The following IL10RA variants were observed in gnomAD, a reference collection of about 807,000 sequenced individuals.
The protein encoded by IL10RA is interleukin 10 receptor subunit alpha.
Under a neutral mutation model 29.6 loss-of-function variants are expected in IL10RA, and 18 were observed. That is an observed-to-expected ratio of 0.61 (90% confidence interval 0.42 to 0.90). The LOEUF (loss-of-function observed/expected upper bound fraction) is 0.90, where lower values mean the gene tolerates loss of function less well. Among genes scored for constraint, IL10RA ranks in the 40% least tolerant of loss-of-function variants. The pLI is 0.00. For synonymous variants in IL10RA, 292 were observed against 294.1 expected (o/e 0.99, Z 0.07); for missense variants, 634 against 716.6 (o/e 0.88, Z 1.32).
At position 117,998,928 on chromosome 11, in the gene IL10RA, C is replaced by T. The variant is rs1175310331; in HGVS notation, c.1024C>T (p.Pro342Ser). The change falls in exon 7 of 7, where the codon CCC becomes TCC. Residue 342 changes from proline to serine, a missense_variant. Pro to Ser is a moderately conservative substitution (Grantham distance 74). Transcript: ENST00000227752. ...CCAGTTCCTCCTCCCTGACCCTCAC[C>T]CCCAGGCTGACAGAACGCTGGGAAA... Reference protein sequence around the residue: ...EPQFLLPDPHPQADRTLGNRE... With the variant: ...EPQFLLPDPHSQADRTLGNRE... 6.2e-7 allele frequency: 1 copy of T among 1,613,604 alleles called. No homozygotes were observed. The highest frequency in any genetic ancestry group is 1.3e-5 in the African/African-American group (1 of 74,920).
rs754153968 is a variant in IL10RA, at chr11:117,989,647, A to G, written c.367+27A>G. On this transcript the variant is annotated intron_variant, in intron 3 of 6. Coordinates refer to ENST00000227752, the MANE Select transcript of IL10RA (RefSeq NM_001558.4). The surrounding 1 kb of genome is among the most constrained non-coding windows in gnomAD (Gnocchi z 4.5). ...TGCTTTTCCTCCCTTGACTTAGAAC[A>G]TGGCTCTGAAGTCCCTTCCAGCCAG... 1.9e-6 allele frequency: 3 copies of G among 1,608,944 alleles called. No individual in the cohort carries two copies.
In IL10RA at chr11:117,988,368, A is replaced by C. The variant is rs1257184028; in HGVS notation, c.68-14A>C. 6.2e-7 allele frequency: 1 copy of C among 1,613,422 alleles called. No individual in the cohort carries two copies. The highest frequency in any genetic ancestry group is 1.1e-5 in the South Asian group (1 of 91,030). ...CCCCCCTCCCAGCTGTGGTACTGACACTCTTCTCCCCAGGGACAGAGCTGC... is the reference window on the plus strand; with the variant it reads ...CCCCCCTCCCAGCTGTGGTACTGACCCTCTTCTCCCCAGGGACAGAGCTGC... On this transcript the variant is annotated splice_polypyrimidine_tract_variant and intron_variant, in intron 1 of 6. Transcript: ENST00000227752.
rs1277119991 is a variant in IL10RA, at chr11:117,999,949, A to G, written c.*308A>G. 1 of 549,344 alleles carries G rather than the reference A, an allele frequency of 1.8e-6. No homozygotes were observed. The highest frequency in any genetic ancestry group is 2.2e-5 in the Admixed American group (1 of 45,326). The allele number at this position is 549,344 out of a possible 1,614,324, so 34.0% of individuals were successfully genotyped here. On this transcript the variant is annotated 3_prime_UTR_variant, in exon 7 of 7. Transcript: ENST00000227752. Reference sequence around the variant, plus strand: ...CCTCCTAGGAACTCTTTCCTGTATCATAAAGGATTATTTGCTCAGGGGAAC... The same window carrying G: ...CCTCCTAGGAACTCTTTCCTGTATCGTAAAGGATTATTTGCTCAGGGGAAC...
At chr11:117,993,212 G>T in intron 3 of IL10RA, 29 bp from the exon 4 acceptor site, 1 of 1,610,158 alleles carries the variant, frequency 6.2e-7, no homozygotes, top group Non-Finnish European at 8.5e-7. Context: ...AAGTCTCATG[G>T]TATTCCCCCC....
At chr11:117,990,968 G>T (rs1277093335) in intron 3 of IL10RA, among the ~76,000 whole-genome samples, 1 of 152,106 alleles carries the variant, frequency 6.6e-6, no homozygotes, top group Non-Finnish European at 1.5e-5. Context: ...AGGCCAAGGT[G>T]GGTGGATCAC....
At chr11:117,993,908 G>T in intron 4 of IL10RA, 91 bp from the exon 5 acceptor site, 1 of 1,105,590 alleles carries the variant, frequency 9.0e-7, no homozygotes, top group East Asian at 2.4e-5. Context: ...AAGGGGGTTG[G>T]CTGAAATCAC....
At chr11:117,991,201 A>T (rs2058020286) in intron 3 of IL10RA, among the ~76,000 whole-genome samples, 1 of 152,206 alleles carries the variant, frequency 6.6e-6, no homozygotes, top group Non-Finnish European at 1.5e-5. Context: ...CTGTCTCAAA[A>T]AAACAAACAA....
chr11:117,994,149 T>A lies in IL10RA; in HGVS notation c.688T>A (p.Tyr230Asn). ...KEECISLTRQ[Y>N]FTVTNVIIFF... is the part of the protein sequence containing the mutation. ...GGAGTGCATCTCCCTCACCAGGCAG[T>A]GTGAGTCAGCTGGGCTGCTCTCAGC... The change falls in exon 5 of 7, where the codon TAT becomes AAT. Residue 230 changes from tyrosine to asparagine, a missense_variant and splice_region_variant. Physicochemically the swap from Tyr to Asn is moderately radical, Grantham distance 143. Transcript: ENST00000227752. 1 of 1,613,804 alleles carries A rather than the reference T, an allele frequency of 6.2e-7. No homozygotes were observed. Among genetic ancestry groups the A allele is most frequent in the Non-Finnish European group, 8.5e-7 (1 of 1,179,824 alleles).
At position 117,995,612 on chromosome 11, in the gene IL10RA, A is replaced by G. The variant is rs200227183; in HGVS notation, c.712A>G (p.Ile238Val). ...AGATTTCACCGTGACCAACGTCATC[A>G]TCTTCTTTGCCTTTGTCCTGCTGCT... ...RQYFTVTNVIIFFAFVLLLSG... is the reference protein window; with the variant it reads ...RQYFTVTNVIVFFAFVLLLSG... The change falls in exon 6 of 7, where the codon ATC becomes GTC. Residue 238 changes from isoleucine to valine, a missense_variant. By Grantham distance (29) the Ile-to-Val change is conservative. Transcript: ENST00000227752. 5.0e-5 allele frequency: 81 copies of G among 1,614,066 alleles called. No individual in the cohort carries two copies. Among genetic ancestry groups the G allele is most frequent in the Non-Finnish European group, 6.4e-5 (76 of 1,180,026 alleles).
rs946800288 is a variant in IL10RA at position 117,999,238 on chromosome 11, G to T, written c.1334G>T (p.Gly445Val). ...EEDPAAVAFQGYLRQTRCAEE... is the reference protein window; with the variant it reads ...EEDPAAVAFQVYLRQTRCAEE... ...GACCCAGCTGCTGTGGCATTCCAGG[G>T]TTACCTGAGGCAGACCAGATGTGCT... The change falls in exon 7 of 7, where the codon GGT becomes GTT. Residue 445 changes from glycine to valine, a missense_variant. Coordinates refer to ENST00000227752, the MANE Select transcript of IL10RA (RefSeq NM_001558.4). 44 of 1,614,146 alleles carry T rather than the reference G, an allele frequency of 2.7e-5. No homozygotes were observed. In the East Asian group the frequency reaches 3.3e-4, roughly 12 times the overall value.
intron 3 of IL10RA, 53 bp from the exon 4 acceptor site, chr11:117,993,188 C>T (rs942620841): frequency 6.5e-7 from 1 of 1,537,408 alleles, no homozygotes; most frequent in African/African-American, 1.4e-5. Context: ...ACACCCAGGC[C>T]CTCCTCAGCC....
intron 2 of IL10RA, among the ~76,000 whole-genome samples, 168 bp downstream of exon 2, chr11:117,988,670 T>C (rs531257967): frequency 6.6e-6 from 1 of 152,258 alleles, no homozygotes; most frequent in East Asian, 1.9e-4. Context: ...TGCTGAGCAA[T>C]GTGCCGGGAG....
intron 1 of IL10RA, chr11:117,986,758 G>A (rs75968822): frequency 1.3e-6 from 2 of 1,531,466 alleles, no homozygotes; most frequent in South Asian, 1.2e-5. Context: ...AGAAGTATGC[G>A]CAAGGCCAAA....
intron 5 of IL10RA, 32 bp downstream of exon 5, chr11:117,994,181 AG>A (rs2058041974): frequency 1.9e-6 from 3 of 1,608,596 alleles, no homozygotes; most frequent in Non-Finnish European, 2.6e-6. Flanking sequence ...CAGCATGGGG[AG>A]GGAGACTGGG....
chr11:117,986,667 G>A (rs1344116603), intron 1 of IL10RA, 133 bp downstream of exon 1: 2 of 1,536,426 alleles, frequency 1.3e-6, no homozygotes, highest in Non-Finnish European at 1.7e-6. Context: ...CCTTACTCTG[G>A]CAAACCTGGA....
chr11:117,994,988 A>C (rs191265638), intron 5 of IL10RA: 24 of 164,770 alleles, frequency 1.5e-4, no homozygotes, highest in Middle Eastern at 6.5e-3. Flanking sequence ...CTGATACATG[A>C]AATAGTTCCA....
rs1048660826 is a variant in IL10RA at position 117,995,580 on chromosome 11, G to T, written c.689-9G>T. On this transcript the variant is annotated splice_polypyrimidine_tract_variant and intron_variant, in intron 5 of 6. Transcript: ENST00000227752. ...GACAGGCCACAAACACATCTCTCTG[G>T]GCCTGCAGATTTCACCGTGACCAAC... 1.2e-6 allele frequency: 2 copies of T among 1,614,090 alleles called. No individual in the cohort carries two copies. The highest frequency in any genetic ancestry group is 1.7e-6 in the Non-Finnish European group (2 of 1,180,018).
In IL10RA at chr11:117,989,260, C is replaced by T. The variant is rs1002377667; in HGVS notation, c.189-182C>T. Among the ~76,000 whole-genome samples the T allele has an allele frequency of 1.3e-5, 2 of 152,230 alleles. No individual in the cohort carries two copies. The highest frequency in any genetic ancestry group is 2.1e-4 in the South Asian group (1 of 4,828). On this transcript the variant is annotated intron_variant, in intron 2 of 6. Coordinates refer to ENST00000227752, the MANE Select transcript of IL10RA (RefSeq NM_001558.4). This position sits in a 1 kb window ranked among gnomAD's most constrained non-coding sequence, Gnocchi z 4.5. ...CTGCTAGACCACATGGAAATTGGTA[C>T]GGGGTCCCAAGACCAAGGGAGACCC... is the stretch of plus-strand genomic sequence containing the variant.
At chr11:117,996,441 C>T (rs1735779501) in intron 6 of IL10RA, among the ~76,000 whole-genome samples, 1 of 152,244 alleles carries the variant, frequency 6.6e-6, no homozygotes, top group Non-Finnish European at 1.5e-5. Context: ...ATTTTCCAAA[C>T]CTCGGCCTGG....
Sources: allele counts gnomAD v4.1 joint callset (sites outside exome capture counted in the v4.1 genomes callset), GRCh38; gene constraint gnomAD v4.1.1; non-coding constraint Gnocchi (gnomAD v3.1); transcripts MANE v1.5; gene names NCBI Gene and HGNC (gene_info 2026-07-23, HGNC 2026-07-21).